The following MINK1 variants were observed in gnomAD, a reference collection of about 807,000 sequenced individuals.
MINK1 encodes misshapen like kinase 1.
MINK1 carries 46 observed loss-of-function variants against 178.4 expected under a neutral mutation model. The observed-to-expected ratio is 0.26, with a 90% CI of 0.20 to 0.33. The LOEUF (loss-of-function observed/expected upper bound fraction) is 0.33, where lower values mean the gene tolerates loss of function less well. Among genes scored for constraint, MINK1 ranks in the 10% least tolerant of loss-of-function variants. The probability of loss-of-function intolerance (pLI) is 1.00; values close to 1 mark genes in which losing one functional copy is unlikely to be tolerated. For synonymous variants in MINK1, 797 were observed against 709.7 expected (o/e 1.12, Z -1.96); for missense variants, 1,366 against 1,814.9 (o/e 0.75, Z 4.49).
chr17:4,851,045 C>T (rs983163748), intron 1 of MINK1: 1 of 459,086 alleles, frequency 2.2e-6, no homozygotes, highest in Non-Finnish European at 4.4e-6. Context: ...CCTTCTGTCT[C>T]ACCTGCCTTC....
rs1290697845 is a variant in MINK1 at position 4,896,100 on chromosome 17, C to T, written c.3462C>T (p.Phe1154=). The T allele has an allele frequency of 6.2e-7, 1 of 1,606,808 alleles. No individual in the cohort carries two copies. The highest frequency in any genetic ancestry group is 1.3e-5 in the African/African-American group (1 of 74,800). Reference sequence around the variant, plus strand: ...AACCCTACCACAAATTCATGGCCTTCAAGGTAATCCCAGCCTCGGTCCCTA... The same window carrying T: ...AACCCTACCACAAATTCATGGCCTTTAAGGTAATCCCAGCCTCGGTCCCTA... ...APKPYHKFMA[F]KSFADLPHRP... is the part of the protein sequence containing the mutation. Residue 1154 remains phenylalanine, a synonymous_variant, in exon 28 of 32, where the codon TTC becomes TTT. Transcript: ENST00000355280. The surrounding 1 kb of genome is among the most constrained non-coding windows in gnomAD (Gnocchi z 4.6).
chr17:4,863,963 A>G (rs1353068274), intron 1 of MINK1, among the ~76,000 whole-genome samples: 1 of 151,886 alleles, frequency 6.6e-6, no homozygotes, highest in African/African-American at 2.4e-5. Context: ...TAATTTTTGT[A>G]TTTTTAGTAG....
chr17:4,866,421 C>T (rs1390849508), intron 1 of MINK1, among the ~76,000 whole-genome samples: 7 of 150,794 alleles, frequency 4.6e-5, no homozygotes, highest in African/African-American at 9.8e-5. Flanking sequence ...GAGCCGAGAT[C>T]GCGCCACTGA....
intron 1 of MINK1, among the ~76,000 whole-genome samples, chr17:4,843,615 G>T (rs1910581361): frequency 1.3e-5 from 2 of 152,174 alleles, no homozygotes; most frequent in Admixed American, 1.3e-4. Context: ...ATTCATTTCA[G>T]AAGGGGGTGT....
chr17:4,891,240 G>T, intron 15 of MINK1, 116 bp downstream of exon 15: 1 of 1,145,384 alleles, frequency 8.7e-7, no homozygotes, highest in Non-Finnish European at 1.2e-6. Context: ...TCAGCCGTGA[G>T]CCAGGATTAC....
In MINK1 at chr17:4,892,755, G is replaced by A. The variant is rs765874173; in HGVS notation, c.2298G>A (p.Arg766=). 3 of 1,609,224 alleles carry A rather than the reference G, an allele frequency of 1.9e-6. No individual in the cohort carries two copies. Among genetic ancestry groups the A allele is most frequent in the Middle Eastern group, 1.7e-4 (1 of 6,044 alleles). ...TCCCCCAGGCTGGCTCACTGGAGCG[G>A]AACCGCGTGGGAGGTATGTGAGCCA... ...GHLPQAGSLE[R]NRVGVSSKPD... The change falls in exon 19 of 32, where the codon CGG becomes CGA. Residue 766 remains arginine (R), a synonymous_variant. Coordinates refer to ENST00000355280, the MANE Select transcript of MINK1 (RefSeq NM_153827.5).
At chr17:4,883,991 A>G (rs982553129) in intron 4 of MINK1, among the ~76,000 whole-genome samples, 1 of 144,520 alleles carries the variant, frequency 6.9e-6, no homozygotes, top group Admixed American at 6.9e-5. Flanking sequence ...ACCCAGCCCC[A>G]CCCTGCCAGT....
intron 1 of MINK1, chr17:4,875,474 T>TA (rs971295662): frequency 2.2e-5 from 10 of 453,528 alleles, no homozygotes; most frequent in African/African-American, 2.0e-4. Flanking sequence ...GATCTGACTC[T>TA]AAAAAAACAA....
rs370372076 is a variant in MINK1, at chr17:4,895,541, C to T, written c.3229+48C>T. Reference sequence around the variant, plus strand: ...AGGGAGGAGGGGCTCAGCTCCTTGGCGCTGTCACCATCTTCTGCCTGGGAG... The same window carrying T: ...AGGGAGGAGGGGCTCAGCTCCTTGGTGCTGTCACCATCTTCTGCCTGGGAG... On this transcript the variant is annotated intron_variant, in intron 26 of 31. Coordinates refer to ENST00000355280, the MANE Select transcript of MINK1 (RefSeq NM_153827.5). The surrounding 1 kb of genome is among the most constrained non-coding windows in gnomAD (Gnocchi z 4.3). 1,008 of 1,552,872 alleles carry T rather than the reference C, an allele frequency of 6.5e-4. 1 individual carries two copies. Among genetic ancestry groups the T allele is most frequent in the Non-Finnish European group, 8.0e-4 (916 of 1,145,802 alleles).
In MINK1 at chr17:4,896,184, T is replaced by TCTCTGCAGTCCTTTG; in HGVS notation, c.3466-7_3473dup. The stretch of plus-strand genomic sequence containing the variant: ...CCCCTGAGCCCTCCTCTCCTCCGGT[T>TCTCTGCAGTCCTTTG]CTCTGCAGTCCTTTGCCGACCTCCC... On this transcript the variant is annotated splice_polypyrimidine_tract_variant and intron_variant, in intron 28 of 31. Transcript: ENST00000355280. The surrounding 1 kb of genome is among the most constrained non-coding windows in gnomAD (Gnocchi z 4.6). 1 of 1,599,436 alleles carries TCTCTGCAGTCCTTTG rather than the reference T, an allele frequency of 6.3e-7. No homozygotes were observed.
At chr17:4,888,108 C>G (rs777906671) in intron 12 of MINK1, among the ~76,000 whole-genome samples, 6 of 151,098 alleles carry the variant, frequency 4.0e-5, no homozygotes, top group Non-Finnish European at 8.8e-5. Context: ...CCCAGCTACT[C>G]CGGAGGCTGA....
Position 4,887,839 on chromosome 17 carries a change from T to TG in MINK1, c.1230+50dup. 1.4e-6 allele frequency: 2 copies of TG among 1,406,724 alleles called. No homozygotes were observed. The highest frequency in any genetic ancestry group is 1.9e-6 in the Non-Finnish European group (2 of 1,071,860). 87.1% of individuals were successfully genotyped at this position (1,406,724 alleles called of 1,614,324 possible). ...GGCCTGGCGCGGCCTCCTCCTGACC[T>TG]GCCCCGGGTCCATTAGGGCCTTGGA... On this transcript the variant is annotated intron_variant, in intron 12 of 31. Coordinates refer to ENST00000355280, the MANE Select transcript of MINK1 (RefSeq NM_153827.5). This position sits in a 1 kb window ranked among gnomAD's most constrained non-coding sequence, Gnocchi z 7.6.
chr17:4,895,917 G>A lies in MINK1; in HGVS notation c.3364+85G>A. The stretch of plus-strand genomic sequence containing the variant: ...TGGGAGCCAGGGACTTGGGGCCTGG[G>A]TGGGGCAGTGTAGTGACAGACCACG... On this transcript the variant is annotated intron_variant, in intron 27 of 31. Coordinates refer to ENST00000355280, the MANE Select transcript of MINK1 (RefSeq NM_153827.5). This position sits in a 1 kb window ranked among gnomAD's most constrained non-coding sequence, Gnocchi z 4.3. 6.4e-7 allele frequency: 1 copy of A among 1,572,738 alleles called. No individual in the cohort carries two copies. The highest frequency in any genetic ancestry group is 1.2e-5 in the South Asian group (1 of 86,200).
chr17:4,837,414 T>A (rs1453284428), intron 1 of MINK1, among the ~76,000 whole-genome samples: 8 of 152,224 alleles, frequency 5.3e-5, no homozygotes, highest in Admixed American at 5.2e-4. Flanking sequence ...ATTTTGCCCC[T>A]CTTTTATTTA....
chr17:4,890,876 T>A, intron 14 of MINK1, 75 bp from the exon 15 acceptor site: 1 of 1,541,438 alleles, frequency 6.5e-7, no homozygotes. Flanking sequence ...CGGGAGTAGT[T>A]AGGGCAGGTG....
At position 4,894,657 on chromosome 17, in the gene MINK1, C is replaced by T. The variant is rs780244944; in HGVS notation, c.2917+24C>T. 1.1e-5 allele frequency: 17 copies of T among 1,554,712 alleles called. No individual in the cohort carries two copies. Among genetic ancestry groups the T allele is most frequent in the Non-Finnish European group, 1.4e-5 (16 of 1,138,202 alleles). On this transcript the variant is annotated intron_variant, in intron 24 of 31. Coordinates refer to ENST00000355280, the MANE Select transcript of MINK1 (RefSeq NM_153827.5). The surrounding 1 kb of genome is among the most constrained non-coding windows in gnomAD (Gnocchi z 4.1). ...AGGTGAGGACAGGAGGACAGACCTGCTGTGAGGCCAGGGTCCAGGGGCAGC... is the reference window on the plus strand; with the variant it reads ...AGGTGAGGACAGGAGGACAGACCTGTTGTGAGGCCAGGGTCCAGGGGCAGC...
chr17:4,887,064 G>T lies in MINK1; in HGVS notation c.950-46G>T, dbSNP rs1286051305. 1 of 1,548,110 alleles carries T rather than the reference G, an allele frequency of 6.5e-7. No individual in the cohort carries two copies. The highest frequency in any genetic ancestry group is 1.2e-5 in the South Asian group (1 of 84,442). On this transcript the variant is annotated intron_variant, in intron 10 of 31. Transcript: ENST00000355280. The surrounding 1 kb of genome is among the most constrained non-coding windows in gnomAD (Gnocchi z 7.6). ...CCCAAGGTTTCCCTAGCCCACGGCG[G>T]GTCTGGGGCGCTGGGTGAGATAACT...
At chr17:4,859,581 A>T (rs1358023550) in intron 1 of MINK1, among the ~76,000 whole-genome samples, 3 of 152,062 alleles carry the variant, frequency 2.0e-5, no homozygotes, top group South Asian at 2.1e-4. Flanking sequence ...TGAGGTCAGG[A>T]GTTCGAGACC....
chr17:4,835,226 C>T (rs1038414277), intron 1 of MINK1, among the ~76,000 whole-genome samples: 1 of 152,148 alleles, frequency 6.6e-6, no homozygotes, highest in Non-Finnish European at 1.5e-5. Context: ...AGTAAAAGTC[C>T]CTTAATGTGC....
Sources: gnomAD v4.1 joint callset for allele counts (sites outside exome capture counted in the v4.1 genomes callset) on GRCh38, gnomAD v4.1.1 for gene constraint, Gnocchi (gnomAD v3.1) non-coding constraint, MANE v1.5 for transcripts, NCBI Gene and HGNC (gene_info 2026-07-23, HGNC 2026-07-21) for gene names.